The following MTUS2 variants were observed in gnomAD, a reference collection of about 807,000 sequenced individuals.
The protein encoded by MTUS2 is microtubule-associated tumor suppressor candidate 2.
A neutral mutation model predicts 114.1 loss-of-function variants in MTUS2; 40 were observed. That is an observed-to-expected ratio of 0.35 (90% CI 0.27 to 0.46). The LOEUF (loss-of-function observed/expected upper bound fraction) is 0.46, where lower values mean the gene tolerates loss of function less well. Among genes scored for constraint, MTUS2 ranks in the 20% least tolerant of loss-of-function variants. The probability of loss-of-function intolerance (pLI) is 1.00; values close to 1 mark genes in which losing one functional copy is unlikely to be tolerated. For synonymous variants in MTUS2, 688 were observed against 672.0 expected (o/e 1.02, Z -0.37); for missense variants, 1,679 against 1,705.4 (o/e 0.98, Z 0.27).
intron 5 of MTUS2, among the ~76,000 whole-genome samples, chr13:29,172,790 G>A (rs1893614445): frequency 6.6e-6 from 1 of 152,214 alleles, no homozygotes; most frequent in Non-Finnish European, 1.5e-5. Context: ...ATAAAACCAT[G>A]TGAAGGTGTG....
At chr13:29,337,801 T>C (rs1901156759) in intron 7 of MTUS2, among the ~76,000 whole-genome samples, 1 of 150,838 alleles carries the variant, frequency 6.6e-6, no homozygotes, top group East Asian at 1.9e-4. Flanking sequence ...TGGTTTTTTT[T>C]TTTTTGAGAC....
At chr13:29,305,104 A>G (rs1339631635) in intron 6 of MTUS2, among the ~76,000 whole-genome samples, 1 of 152,232 alleles carries the variant, frequency 6.6e-6, no homozygotes, top group Admixed American at 6.5e-5. Context: ...CAAAGAGGCA[A>G]TGTACCAGAA....
intron 5 of MTUS2, among the ~76,000 whole-genome samples, chr13:29,147,140 T>C (rs1892469140): frequency 6.6e-6 from 1 of 152,200 alleles, no homozygotes; most frequent in South Asian, 2.1e-4. Flanking sequence ...GCCACATTTT[T>C]TTTTAACCAT....
At chr13:28,860,859 T>TTGTA (rs1254990837) in intron 2 of MTUS2, among the ~76,000 whole-genome samples, 4 of 152,216 alleles carry the variant, frequency 2.6e-5, no homozygotes, top group Non-Finnish European at 5.9e-5. Flanking sequence ...ATTGTACCTG[T>TTGTA]TGTAGGGCTG....
intron 2 of MTUS2, among the ~76,000 whole-genome samples, chr13:29,015,376 G>A (rs1886022694): frequency 6.6e-6 from 1 of 152,176 alleles, no homozygotes; most frequent in South Asian, 2.1e-4. Context: ...GGGAAGTGGG[G>A]AAATGGAGGG....
rs550909479 is a variant in MTUS2, at chr13:29,031,633, A to G, written c.2206-2252A>G. Among the ~76,000 whole-genome samples the G allele has an allele frequency of 7.3e-5, 11 of 151,542 alleles. No individual in the cohort carries two copies. The East Asian group carries it at 2.1e-3, about 29-fold the overall frequency. ...TAAACCCTGCAACTGATTAGATGAG[A>G]CTCACCTACATGCTGAAGGGTCTGC... On this transcript the variant is annotated intron_variant, in intron 3 of 15. Coordinates refer to ENST00000612955, the MANE Select transcript of MTUS2 (RefSeq NM_001033602.4).
intron 8 of MTUS2, among the ~76,000 whole-genome samples, chr13:29,401,765 A>C (rs924486110): frequency 1.3e-5 from 2 of 152,206 alleles, no homozygotes; most frequent in Non-Finnish European, 2.9e-5. Flanking sequence ...TAACAAAATT[A>C]TCTATGTCAA....
chr13:29,344,549 T>A (rs1406968651), intron 7 of MTUS2, among the ~76,000 whole-genome samples: 1 of 152,130 alleles, frequency 6.6e-6, no homozygotes, highest in Admixed American at 6.5e-5. Context: ...CCTTATGTGT[T>A]GTTAGATGAG....
At position 29,151,101 on chromosome 13, in the gene MTUS2, C is replaced by G. The variant is rs568101809; in HGVS notation, c.2644+50131C>G. On this transcript the variant is annotated intron_variant, in intron 5 of 15. Coordinates refer to ENST00000612955, the MANE Select transcript of MTUS2 (RefSeq NM_001033602.4). ...AAAAATTATATTGGCAGTTTGATAA[C>G]AATAGCATTGAATCTACAGATTGCT... Among the ~76,000 whole-genome samples the G allele has an allele frequency of 8.5e-5, 13 of 152,080 alleles. No homozygotes were observed. The South Asian group carries it at 2.7e-3, about 32-fold the overall frequency.
chr13:29,157,117 C>A (rs1892894129), intron 5 of MTUS2, among the ~76,000 whole-genome samples: 2 of 152,180 alleles, frequency 1.3e-5, no homozygotes, highest in Admixed American at 1.3e-4. Flanking sequence ...GCATTCTCTG[C>A]CATGCTCGTG....
At position 29,480,014 on chromosome 13, in the gene MTUS2, C is replaced by T; in HGVS notation, c.3185-136C>T. The T allele has an allele frequency of 1.3e-6, 1 of 786,140 alleles. No homozygotes were observed. Among genetic ancestry groups the T allele is most frequent in the Non-Finnish European group, 2.0e-6 (1 of 496,792 alleles). The allele number at this position is 786,140 out of a possible 1,614,324, so 48.7% of individuals were successfully genotyped here. A position where few individuals can be genotyped will look rare whatever the true frequency, so the allele number is the denominator to read the frequency against. On this transcript the variant is annotated intron_variant, in intron 9 of 15. Transcript: ENST00000612955. This position sits in a 1 kb window ranked among gnomAD's most constrained non-coding sequence, Gnocchi z 4.4. ...GGTGGAAAGGAAAGCACTTTACAAA[C>T]TGTGTAGCCCTGCAGAAGTCAGAGG...
chr13:29,060,911 C>T (rs1157658899), intron 4 of MTUS2, among the ~76,000 whole-genome samples: 1 of 150,736 alleles, frequency 6.6e-6, no homozygotes, highest in Non-Finnish European at 1.5e-5. Context: ...GGTGATTCTC[C>T]TGCCTCAGCC....
chr13:29,021,009 GTAA>G (rs1288006967), intron 2 of MTUS2, among the ~76,000 whole-genome samples: 1 of 152,206 alleles, frequency 6.6e-6, no homozygotes, highest in South Asian at 2.1e-4. Flanking sequence ...ACTCATGCCT[GTAA>G]TACTGGCACT....
chr13:29,329,132 A>G (rs114169264), intron 7 of MTUS2, among the ~76,000 whole-genome samples: 1,969 of 152,270 alleles, frequency 0.013, 22 homozygotes, highest in Middle Eastern at 0.058. Flanking sequence ...ATTTTAATAT[A>G]CCCTTTTTTA....
intron 2 of MTUS2, among the ~76,000 whole-genome samples, chr13:28,842,793 G>A (rs914554756): frequency 3.3e-5 from 5 of 152,206 alleles, no homozygotes; most frequent in African/African-American, 1.2e-4. Flanking sequence ...TGCTTGATGT[G>A]TGCTTAATGG....
intron 5 of MTUS2, among the ~76,000 whole-genome samples, chr13:29,187,198 A>G (rs1361147985): frequency 1.3e-5 from 2 of 148,850 alleles, no homozygotes; most frequent in Non-Finnish European, 3.0e-5. Context: ...TAGAAATCAG[A>G]AAAAAAAAAG....
At chr13:29,086,838 C>T (rs1205468809) in intron 4 of MTUS2, among the ~76,000 whole-genome samples, 1 of 152,050 alleles carries the variant, frequency 6.6e-6, no homozygotes, top group African/African-American at 2.4e-5. Context: ...TTTCACCTCC[C>T]TGGTTAGCTG....
At chr13:28,951,411 G>A (rs1176564822) in intron 2 of MTUS2, among the ~76,000 whole-genome samples, 3 of 152,138 alleles carry the variant, frequency 2.0e-5, no homozygotes, top group African/African-American at 7.2e-5. Flanking sequence ...TGAGTATGGT[G>A]TTTGCTGTGG....
At chr13:29,230,963 C>T (rs35786594) in intron 5 of MTUS2, among the ~76,000 whole-genome samples, 9,299 of 152,146 alleles carry the variant, frequency 0.061, 303 homozygotes, top group Middle Eastern at 0.078. Context: ...GGATTTCTTT[C>T]AGTACTTTAG....
Sources: gnomAD v4.1 joint callset for allele counts (sites outside exome capture counted in the v4.1 genomes callset) on GRCh38, gnomAD v4.1.1 for gene constraint, Gnocchi (gnomAD v3.1) non-coding constraint, MANE v1.5 for transcripts, NCBI Gene and HGNC (gene_info 2026-07-23, HGNC 2026-07-21) for gene names.